Variants in C1orf105 observed in about 807,000 individuals in gnomAD.
C1orf105 encodes the protein uncharacterized protein C1orf105.
A neutral mutation model predicts 20.8 loss-of-function variants in C1orf105; 17 were observed. The ratio of observed to expected loss-of-function variants is 0.82; its 90% CI spans 0.56 to 1.23. C1orf105 has a LOEUF of 1.23. C1orf105 is among the 50% of genes most tolerant of loss of function. The probability of loss-of-function intolerance (pLI) is 0.00; values close to 1 mark genes in which losing one functional copy is unlikely to be tolerated. For synonymous variants in C1orf105, 72 were observed against 72.1 expected (o/e 1.00, Z 0.01); for missense variants, 219 against 213.5 (o/e 1.03, Z -0.16).
chr1:172,432,081 G>T (rs1208576900), intron 1 of C1orf105, among the ~76,000 whole-genome samples: 2 of 152,226 alleles, frequency 1.3e-5, no homozygotes, highest in African/African-American at 4.8e-5. Context: ...AAACAAAGCA[G>T]CCGGGAAGCT....
intron 3 of C1orf105, among the ~76,000 whole-genome samples, chr1:172,455,328 T>C (rs1649119986): frequency 6.6e-6 from 1 of 152,082 alleles, no homozygotes; most frequent in South Asian, 2.1e-4. Context: ...TTTCTGTTCC[T>C]CCTCTTTCTG....
intron 1 of C1orf105, chr1:172,431,225 G>A (rs1160517332): frequency 2.3e-6 from 1 of 432,790 alleles, no homozygotes; most frequent in Admixed American, 4.1e-5. Flanking sequence ...CTGAAAGCCA[G>A]GCCTCTTGTG....
At chr1:172,429,815 G>T (rs986216387) in intron 1 of C1orf105, among the ~76,000 whole-genome samples, 1 of 152,054 alleles carries the variant, frequency 6.6e-6, no homozygotes. Flanking sequence ...GCTGCATCAC[G>T]CCACAAAATA....
intron 3 of C1orf105, among the ~76,000 whole-genome samples, chr1:172,448,951 C>T (rs993409854): frequency 1.3e-5 from 2 of 152,164 alleles, no homozygotes; most frequent in African/African-American, 2.4e-5. Context: ...CCACCATGAC[C>T]GGCTGCCAGG....
chr1:172,426,006 G>A (rs912297034), intron 1 of C1orf105, among the ~76,000 whole-genome samples: 4 of 151,846 alleles, frequency 2.6e-5, no homozygotes, highest in African/African-American at 7.3e-5. Flanking sequence ...CACTCTCCAC[G>A]CTAATTTCCA....
At chr1:172,431,207 G>T in intron 1 of C1orf105, 1 of 431,152 alleles carries the variant, frequency 2.3e-6, no homozygotes, top group Non-Finnish European at 4.1e-6. Flanking sequence ...ATCAAAAGCC[G>T]AGACAGGCTG....
At chr1:172,455,003 C>T (rs1321961985) in intron 3 of C1orf105, among the ~76,000 whole-genome samples, 1 of 152,128 alleles carries the variant, frequency 6.6e-6, no homozygotes, top group African/African-American at 2.4e-5. Flanking sequence ...GTATGACCCC[C>T]GTCACAGCAC....
chr1:172,461,450 T>TA (rs1375486065), intron 4 of C1orf105, among the ~76,000 whole-genome samples: 1 of 152,194 alleles, frequency 6.6e-6, no homozygotes, highest in African/African-American at 2.4e-5. Context: ...ATAGCTACAA[T>TA]AATTTTCGAG....
intron 3 of C1orf105, among the ~76,000 whole-genome samples, chr1:172,452,371 G>C (rs892721231): frequency 1.3e-5 from 2 of 152,178 alleles, no homozygotes; most frequent in Admixed American, 1.3e-4. Flanking sequence ...GTTACAAGTG[G>C]GAAGGAGAAA....
chr1:172,468,705 G>C lies in C1orf105; in HGVS notation c.*111G>C. ...AATTTTCTCTCTTCTCCCAAAAGAT[G>C]ATTTAATTTTGCCTTCCTAAGATTG... On this transcript the variant is annotated 3_prime_UTR_variant, in exon 7 of 7. Coordinates refer to ENST00000367727, the MANE Select transcript of C1orf105 (RefSeq NM_139240.4). The C allele has an allele frequency of 7.9e-7, 1 of 1,273,188 alleles. No individual in the cohort carries two copies. Among genetic ancestry groups the C allele is most frequent in the Non-Finnish European group, 1.1e-6 (1 of 924,562 alleles). 78.9% of individuals were successfully genotyped at this position (1,273,188 alleles called of 1,614,324 possible).
rs765297472 is a variant in C1orf105, at chr1:172,445,067, C to T, written c.22-6C>T. ...ATTCTGTAAAATGTTCTCTATTTCCCTCTAGGCTTCTGTTCCAAAATTTGA... is the reference window on the plus strand; with the variant it reads ...ATTCTGTAAAATGTTCTCTATTTCCTTCTAGGCTTCTGTTCCAAAATTTGA... On this transcript the variant is annotated splice_polypyrimidine_tract_variant and splice_region_variant and intron_variant, in intron 1 of 6. Transcript: ENST00000367727. The T allele has an allele frequency of 1.2e-6, 2 of 1,608,634 alleles. No individual in the cohort carries two copies. The highest frequency in any genetic ancestry group is 1.7e-6 in the Non-Finnish European group (2 of 1,176,306).
chr1:172,445,917 C>G (rs1199791918), intron 2 of C1orf105, among the ~76,000 whole-genome samples: 1 of 152,182 alleles, frequency 6.6e-6, no homozygotes, highest in Non-Finnish European at 1.5e-5. Flanking sequence ...GCATTCGAAA[C>G]AGCTCGTTAG....
At chr1:172,427,312 G>C (rs1000390594) in intron 1 of C1orf105, among the ~76,000 whole-genome samples, 1 of 152,240 alleles carries the variant, frequency 6.6e-6, no homozygotes, top group Admixed American at 6.5e-5. Context: ...CGAAAGCCAG[G>C]CTTTGCACTT....
At chr1:172,465,272 A>C (rs757267699) in intron 5 of C1orf105, 27 bp from the exon 6 acceptor site, 3 of 1,536,570 alleles carry the variant, frequency 2.0e-6, no homozygotes, top group South Asian at 1.1e-5. Flanking sequence ...CAATTGACTA[A>C]TGTGTTTTCT....
chr1:172,434,025 A>T (rs1451643528), intron 1 of C1orf105, among the ~76,000 whole-genome samples: 2 of 152,246 alleles, frequency 1.3e-5, no homozygotes, highest in Admixed American at 1.3e-4. Context: ...ACATAATGGT[A>T]AGGGGATCAA....
chr1:172,455,804 G>A (rs1183121659), intron 3 of C1orf105, among the ~76,000 whole-genome samples: 5 of 152,134 alleles, frequency 3.3e-5, no homozygotes, highest in African/African-American at 4.8e-5. Flanking sequence ...ACACAAGCTT[G>A]AGTTCTGCTT....
rs1648544085 is a variant in C1orf105, at chr1:172,450,781, T to C, written c.198+2250T>C. Among the ~76,000 whole-genome samples, 3 of 151,928 alleles carry C rather than the reference T, an allele frequency of 2.0e-5. No homozygotes were observed. The South Asian group carries it at 6.2e-4, about 31-fold the overall frequency. ...GCCTGGAGCAGTATTTCCTAGTGAC[T>C]AGACAAAGGGGAGACAGGCTCAGAG... On this transcript the variant is annotated intron_variant, in intron 3 of 6. Transcript: ENST00000367727.
intron 1 of C1orf105, among the ~76,000 whole-genome samples, chr1:172,429,223 TACACACACACACACAC>T (rs3838965): frequency 2.6e-5 from 4 of 150,974 alleles, no homozygotes; most frequent in South Asian, 2.1e-4. Flanking sequence ...AATACAAATA[TACACACACACACACAC>T]ACACACACAC....
intron 1 of C1orf105, among the ~76,000 whole-genome samples, chr1:172,424,228 C>T (rs554221613): frequency 5.9e-5 from 9 of 152,276 alleles, no homozygotes; most frequent in Admixed American, 1.3e-4. Flanking sequence ...CTAAGCAAGC[C>T]GCAGAAGACC....
Sources: gnomAD v4.1 joint callset for allele counts (sites outside exome capture counted in the v4.1 genomes callset) on GRCh38, gnomAD v4.1.1 for gene constraint, MANE v1.5 for transcripts, NCBI Gene and HGNC (gene_info 2026-07-23, HGNC 2026-07-21) for gene names.